The following CAST variants were observed in gnomAD, a reference collection of about 807,000 sequenced individuals.
The protein encoded by CAST is calpastatin, also known as MIR583 host.
CAST carries 76 observed loss-of-function variants against 119.6 expected under a neutral mutation model. That is an observed-to-expected ratio of 0.64 (90% CI 0.53 to 0.77). The LOEUF is 0.77. Among genes scored for constraint, CAST ranks in the 30% least tolerant of loss-of-function variants. The pLI is 0.00. For synonymous variants in CAST, 319 were observed against 331.6 expected (o/e 0.96, Z 0.41); for missense variants, 953 against 946.5 (o/e 1.01, Z -0.09).
At chr5:96,378,725 G>C in the CAST span, among the ~76,000 whole-genome samples, 1 of 151,940 alleles carries the variant, frequency 6.6e-6, no homozygotes, top group South Asian at 2.1e-4. Flanking sequence ...TAAAGAAAAA[G>C]AATACCAACT....
chr5:96,430,422 C>G, the CAST span, among the ~76,000 whole-genome samples: 490 of 152,278 alleles, frequency 3.2e-3, 1 homozygote, highest in African/African-American at 0.011. Context: ...AGCTTAGGCC[C>G]TGCTCCAAGC....
At chr5:96,498,056 A>T in the CAST span, among the ~76,000 whole-genome samples, 1 of 152,226 alleles carries the variant, frequency 6.6e-6, no homozygotes, top group Non-Finnish European at 1.5e-5. Context: ...TAAGAAAGGG[A>T]TCCAATTTCA....
the CAST span, among the ~76,000 whole-genome samples, chr5:96,017,623 A>C: frequency 1.3e-5 from 2 of 152,170 alleles, no homozygotes; most frequent in Non-Finnish European, 2.9e-5. Context: ...ACTTGACATC[A>C]TTATCAAGAG....
At chr5:96,289,032 T>G in the CAST span, among the ~76,000 whole-genome samples, 1 of 152,130 alleles carries the variant, frequency 6.6e-6, no homozygotes, top group Non-Finnish European at 1.5e-5. Context: ...AATTTTTTAT[T>G]TGAAGTGTCA....
intron 4 of CAST, 118 bp downstream of exon 4, chr5:96,722,816 A>G (rs1051824437): frequency 1.9e-5 from 14 of 751,266 alleles, no homozygotes; most frequent in Non-Finnish European, 3.0e-5. Flanking sequence ...TAATTATGGA[A>G]GTAAACATTT....
the CAST span, among the ~76,000 whole-genome samples, chr5:96,334,960 CT>C: frequency 6.6e-6 from 1 of 152,202 alleles, no homozygotes; most frequent in African/African-American, 2.4e-5. Context: ...CAGAGCTCCA[CT>C]CACACCCTGC....
the CAST span, among the ~76,000 whole-genome samples, chr5:96,094,545 T>C: frequency 6.6e-6 from 1 of 152,194 alleles, no homozygotes; most frequent in Non-Finnish European, 1.5e-5. Context: ...CGAGTCTTTC[T>C]AATGCCAGCA....
At chr5:96,737,138 T>C (rs1265101010) in intron 10 of CAST, among the ~76,000 whole-genome samples, 1 of 152,124 alleles carries the variant, frequency 6.6e-6, no homozygotes, top group Non-Finnish European at 1.5e-5. Flanking sequence ...GGATTATAGG[T>C]CCCTCCCTTG....
chr5:96,767,754 A>G lies in CAST; in HGVS notation c.2176-153A>G, dbSNP rs570956930. Reference sequence around the variant, plus strand: ...GCCATCAAGATTTTCTTGTTTTTCTATCTCCTTTACAATACATTATTATTA... The same window carrying G: ...GCCATCAAGATTTTCTTGTTTTTCTGTCTCCTTTACAATACATTATTATTA... On this transcript the variant is annotated intron_variant, in intron 28 of 31. Transcript: ENST00000675179. Among the ~76,000 whole-genome samples the G allele has an allele frequency of 3.3e-5, 5 of 152,298 alleles. No individual in the cohort carries two copies. In the East Asian group the frequency reaches 7.7e-4, roughly 24 times the overall value.
At chr5:96,007,518 A>G in the CAST span, among the ~76,000 whole-genome samples, 1 of 152,284 alleles carries the variant, frequency 6.6e-6, no homozygotes, top group East Asian at 1.9e-4. Flanking sequence ...ATGTGATGGT[A>G]TCTAGAGGTG....
At chr5:96,140,363 C>G in the CAST span, among the ~76,000 whole-genome samples, 1 of 152,344 alleles carries the variant, frequency 6.6e-6, no homozygotes, top group East Asian at 1.9e-4. Flanking sequence ...CTTAACCTTT[C>G]TTGATTTCTT....
chr5:96,484,767 C>G, the CAST span, among the ~76,000 whole-genome samples: 14 of 151,876 alleles, frequency 9.2e-5, no homozygotes, highest in South Asian at 2.1e-4. Context: ...GGGGGGCCAT[C>G]ATTAGCATGA....
the CAST span, among the ~76,000 whole-genome samples, chr5:96,045,641 T>G: frequency 6.6e-6 from 1 of 152,150 alleles, no homozygotes; most frequent in Non-Finnish European, 1.5e-5. Context: ...TTTTGTGGAT[T>G]GTGTGCCAGG....
At chr5:96,630,785 C>CAAAAT (rs1303516230) in intron 1 of CAST, among the ~76,000 whole-genome samples, 3 of 144,228 alleles carry the variant, frequency 2.1e-5, no homozygotes, top group South Asian at 4.4e-4. Flanking sequence ...GACTCCATCT[C>CAAAAT]AAAATAAAAT....
At chr5:96,365,300 G>T in the CAST span, among the ~76,000 whole-genome samples, 1 of 152,212 alleles carries the variant, frequency 6.6e-6, no homozygotes, top group Non-Finnish European at 1.5e-5. Context: ...TGTATAATCT[G>T]TTGATTTGGG....
the CAST span, among the ~76,000 whole-genome samples, chr5:96,234,041 G>A: frequency 2.6e-5 from 4 of 152,118 alleles, no homozygotes; most frequent in Non-Finnish European, 5.9e-5. Flanking sequence ...TGATTTCCCT[G>A]CTTCAGAAGT....
At chr5:96,489,641 CT>C in the CAST span, among the ~76,000 whole-genome samples, 1 of 152,118 alleles carries the variant, frequency 6.6e-6, no homozygotes, top group South Asian at 2.1e-4. Context: ...CTTCTCCTTC[CT>C]GTCTTTCCCA....
chr5:96,172,917 G>A, the CAST span, among the ~76,000 whole-genome samples: 1 of 152,152 alleles, frequency 6.6e-6, no homozygotes, highest in Non-Finnish European at 1.5e-5. Context: ...TCTGGTCAAT[G>A]GATGCCAAGA....
chr5:96,673,281 T>A (rs1750334184), intron 1 of CAST, among the ~76,000 whole-genome samples: 1 of 152,212 alleles, frequency 6.6e-6, no homozygotes, highest in South Asian at 2.1e-4. Context: ...TTTTTAGAGA[T>A]GTTTAAAGAA....
Sources: gnomAD v4.1 joint callset for allele counts (sites outside exome capture counted in the v4.1 genomes callset) on GRCh38, gnomAD v4.1.1 for gene constraint, MANE v1.5 for transcripts, NCBI Gene and HGNC (gene_info 2026-07-23, HGNC 2026-07-21) for gene names.